The following WWC2 variants were observed in gnomAD, a reference collection of about 807,000 sequenced individuals.
The protein encoded by WWC2 is protein WWC2.
A neutral mutation model predicts 138.5 loss-of-function variants in WWC2; 101 were observed. The observed-to-expected ratio is 0.73, with a 90% CI of 0.62 to 0.86. The LOEUF (loss-of-function observed/expected upper bound fraction) is 0.86. Among genes scored for constraint, WWC2 ranks in the 40% least tolerant of loss-of-function variants. The pLI, the probability that WWC2 is intolerant of heterozygous loss-of-function variation, is 0.00. For synonymous variants in WWC2, 558 were observed against 538.4 expected, an observed-to-expected ratio of 1.04 and a Z score of -0.50; for missense variants, 1,420 against 1,419.4, an observed-to-expected ratio of 1.00 and a Z score of -0.01.
At chr4:183,181,287 T>C (rs1485037446) in intron 1 of WWC2, among the ~76,000 whole-genome samples, 1 of 152,212 alleles carries the variant, frequency 6.6e-6, no homozygotes, top group Non-Finnish European at 1.5e-5. Flanking sequence ...TTCTCAAGTA[T>C]TTTTCATTGT....
intron 1 of WWC2, among the ~76,000 whole-genome samples, chr4:183,137,718 C>G (rs761835417): frequency 6.6e-6 from 1 of 152,106 alleles, no homozygotes; most frequent in African/African-American, 2.4e-5. Flanking sequence ...AGGCTTGTCT[C>G]GAACTCCTGG....
intron 6 of WWC2, among the ~76,000 whole-genome samples, chr4:183,247,605 C>CTATATATAG (rs1239292968): frequency 5.0e-5 from 6 of 120,420 alleles, no homozygotes; most frequent in African/African-American, 2.2e-4. Context: ...GCTATATATG[C>CTATATATAG]TATATATACT....
At chr4:183,171,660 G>T (rs1423966984) in intron 1 of WWC2, among the ~76,000 whole-genome samples, 1 of 151,924 alleles carries the variant, frequency 6.6e-6, no homozygotes. Flanking sequence ...CACTCAAATG[G>T]TTCCCAAAGC....
intron 2 of WWC2, among the ~76,000 whole-genome samples, chr4:183,202,955 G>A (rs764234778): frequency 1.3e-5 from 2 of 152,108 alleles, no homozygotes; most frequent in Non-Finnish European, 2.9e-5. Flanking sequence ...CTTCCAAACA[G>A]CCCCCTGAAT....
chr4:183,103,485 C>T (rs1275871332), intron 1 of WWC2, among the ~76,000 whole-genome samples: 2 of 151,582 alleles, frequency 1.3e-5, no homozygotes, highest in East Asian at 1.9e-4. Flanking sequence ...TGCCACCACG[C>T]CCGGCTAATT....
chr4:183,244,568 A>ATT (rs1280530163), intron 5 of WWC2, among the ~76,000 whole-genome samples: 5 of 150,876 alleles, frequency 3.3e-5, no homozygotes, highest in African/African-American at 9.9e-5. Flanking sequence ...CAGAATAAAT[A>ATT]TTATATATAT....
At chr4:183,175,077 TCTCTC>T (rs2111171136) in intron 1 of WWC2, among the ~76,000 whole-genome samples, 1 of 152,206 alleles carries the variant, frequency 6.6e-6, no homozygotes, top group African/African-American at 2.4e-5. Context: ...TTATGACCCT[TCTCTC>T]CTAAATAGTT....
At chr4:183,144,619 G>A (rs1354121568) in intron 1 of WWC2, among the ~76,000 whole-genome samples, 1 of 152,156 alleles carries the variant, frequency 6.6e-6, no homozygotes, top group Non-Finnish European at 1.5e-5. Context: ...GTCCATGGCT[G>A]CCAGGACTAA....
chr4:183,147,699 G>A (rs1018428031), intron 1 of WWC2, among the ~76,000 whole-genome samples: 1 of 152,134 alleles, frequency 6.6e-6, no homozygotes, highest in Non-Finnish European at 1.5e-5. Flanking sequence ...TTTCATTTAG[G>A]ATTTCAGTTT....
At chr4:183,167,339 T>TA (rs2111156088) in intron 1 of WWC2, among the ~76,000 whole-genome samples, 1 of 152,316 alleles carries the variant, frequency 6.6e-6, no homozygotes, top group South Asian at 2.1e-4. Context: ...TAAAGCCTTT[T>TA]ATACACATAG....
At chr4:183,205,502 T>G (rs1432408431) in intron 2 of WWC2, among the ~76,000 whole-genome samples, 2 of 152,198 alleles carry the variant, frequency 1.3e-5, no homozygotes, top group Admixed American at 1.3e-4. Flanking sequence ...GGCCATATTT[T>G]TGTGCTTTTT....
intron 1 of WWC2, among the ~76,000 whole-genome samples, chr4:183,169,429 T>C (rs1365453499): frequency 4.2e-5 from 2 of 47,356 alleles, no homozygotes; most frequent in African/African-American, 1.5e-4. Context: ...CTCAAAGCTT[T>C]TAAAATAATT....
chr4:183,220,830 T>C (rs550814452), intron 4 of WWC2, among the ~76,000 whole-genome samples: 1 of 142,520 alleles, frequency 7.0e-6, no homozygotes, highest in African/African-American at 2.6e-5. Flanking sequence ...CGAGACTCCG[T>C]CTCAAAAAGA....
intron 1 of WWC2, among the ~76,000 whole-genome samples, chr4:183,151,330 A>C (rs1259136327): frequency 2.6e-5 from 4 of 152,228 alleles, no homozygotes; most frequent in Non-Finnish European, 5.9e-5. Context: ...GGCTGCATAA[A>C]TGTCTTCTTT....
chr4:183,242,245 C>T (rs777494824), intron 5 of WWC2, among the ~76,000 whole-genome samples: 3 of 152,172 alleles, frequency 2.0e-5, no homozygotes, highest in Non-Finnish European at 2.9e-5. Flanking sequence ...TAAGAAACCA[C>T]ATTCTTGATA....
At chr4:183,189,461 G>T (rs947051525) in intron 1 of WWC2, among the ~76,000 whole-genome samples, 1 of 151,460 alleles carries the variant, frequency 6.6e-6, no homozygotes, top group Non-Finnish European at 1.5e-5. Context: ...AAGTTATTTC[G>T]AGGGAACTAA....
rs77384241 is a variant in WWC2, at chr4:183,296,197, T to C, written c.3384+6562T>C. ...GTCACCACAACCCAACATACTTGTG[T>C]ACAAAGCCAAGTGAAGTTGGCCTTG... On this transcript the variant is annotated intron_variant, in intron 21 of 22. Coordinates refer to ENST00000403733, the MANE Select transcript of WWC2 (RefSeq NM_024949.6). Among the ~76,000 whole-genome samples, 76 of 152,344 alleles carry C rather than the reference T, an allele frequency of 5.0e-4. No individual in the cohort carries two copies. The East Asian group carries it at 7.3e-3, about 15-fold the overall frequency.
At chr4:183,148,071 T>C (rs575298146) in intron 1 of WWC2, among the ~76,000 whole-genome samples, 124 of 152,324 alleles carry the variant, frequency 8.1e-4, no homozygotes, top group African/African-American at 2.7e-3. Context: ...GCCAACCTTA[T>C]ACTCTGCTTT....
At chr4:183,302,988 CAGG>C (rs1476068104) in intron 21 of WWC2, among the ~76,000 whole-genome samples, 1 of 146,892 alleles carries the variant, frequency 6.8e-6, no homozygotes, top group African/African-American at 2.6e-5. Flanking sequence ...TGCTTGAGCC[CAGG>C]AGGTGGGGAG....
Sources: gnomAD v4.1 joint callset for allele counts (sites outside exome capture counted in the v4.1 genomes callset) on GRCh38, gnomAD v4.1.1 for gene constraint, MANE v1.5 for transcripts, NCBI Gene and HGNC (gene_info 2026-07-23, HGNC 2026-07-21) for gene names.